Variants in DYRK4 observed in about 807,000 individuals in gnomAD.
DYRK4 encodes the protein dual specificity tyrosine phosphorylation regulated kinase 4, also known as dual specificity tyrosine-phosphorylation-regulated kinase 4.
In DYRK4, 64 loss-of-function variants were observed where a neutral mutation model predicts 68.3. That is an observed-to-expected ratio of 0.94 (90% CI 0.77 to 1.15). DYRK4 has a LOEUF of 1.15. Among genes scored for constraint, DYRK4 ranks in the 50% most tolerant of loss-of-function variants. DYRK4 has a pLI of 0.00. For synonymous variants in DYRK4, 274 were observed against 289.9 expected (o/e 0.95, Z 0.56); for missense variants, 740 against 764.7 (o/e 0.97, Z 0.38).
chr12:4,572,318 G>T (rs1203787491), intron 2 of DYRK4, among the ~76,000 whole-genome samples: 1 of 152,146 alleles, frequency 6.6e-6, no homozygotes, highest in African/African-American at 2.4e-5. Context: ...GTCTGGCTCT[G>T]TCGCCCAGGC....
intron 2 of DYRK4, among the ~76,000 whole-genome samples, chr12:4,575,299 CTG>C (rs35874260): frequency 1.1e-3 from 171 of 148,878 alleles, no homozygotes; most frequent in African/African-American, 3.7e-3. Context: ...CAATAACTTA[CTG>C]TGTGTGTGTG....
chr12:4,602,305 T>C, intron 10 of DYRK4: 1 of 954,362 alleles, frequency 1.0e-6, no homozygotes, highest in Non-Finnish European at 1.7e-6. Flanking sequence ...CTCCCTCTTT[T>C]TTTCTTCCTC....
intron 12 of DYRK4, 137 bp downstream of exon 12, chr12:4,607,524 A>G (rs1945167556): frequency 1.1e-5 from 10 of 935,754 alleles, no homozygotes; most frequent in Non-Finnish European, 1.3e-5. Context: ...AGTAAAAGAT[A>G]ATGAGCAGGG....
intron 6 of DYRK4, among the ~76,000 whole-genome samples, chr12:4,595,722 G>C (rs1945010017): frequency 6.6e-6 from 1 of 152,164 alleles, no homozygotes; most frequent in Non-Finnish European, 1.5e-5. Context: ...CCCCAAACCA[G>C]AGATGCTGCT....
intron 8 of DYRK4, among the ~76,000 whole-genome samples, chr12:4,597,930 G>A (rs1945036792): frequency 6.6e-6 from 1 of 152,114 alleles, no homozygotes; most frequent in Admixed American, 6.5e-5. Context: ...GCCGGGCGTG[G>A]TGGTGCGTGC....
rs1395619023 is a variant in DYRK4 at position 4,599,734 on chromosome 12, C to A, written c.1072C>A (p.Gln358Lys). The A allele has an allele frequency of 1.9e-6, 3 of 1,614,054 alleles. No individual in the cohort carries two copies. The highest frequency in any genetic ancestry group is 3.3e-5 in the Admixed American group (2 of 60,012). The change falls in exon 10 of 15, where the codon CAA becomes AAA. Residue 358 changes from glutamine to lysine, a missense_variant. Transcript: ENST00000543431. ...AAATATAGTGCTATACCAAAAGGGC[C>A]AAGCCTCTGTTAAAGTCATTGACTT... ...PENIVLYQKG[Q>K]ASVKVIDFGS... is the part of the protein sequence containing the mutation.
At chr12:4,602,058 T>A in intron 10 of DYRK4, 1 of 399,952 alleles carries the variant, frequency 2.5e-6, no homozygotes, top group Non-Finnish European at 4.5e-6. Flanking sequence ...GTTATCTGCA[T>A]GTTGCATCTT....
chr12:4,570,826 T>C (rs1944723357), intron 2 of DYRK4, among the ~76,000 whole-genome samples: 1 of 152,156 alleles, frequency 6.6e-6, no homozygotes, highest in Non-Finnish European at 1.5e-5. Context: ...TTTAAGACAA[T>C]AGTGTGGCGC....
chr12:4,593,227 G>A lies in DYRK4; in HGVS notation c.627+62G>A. ...CCAGGGACAAGAGGTAGTCTAGAAA[G>A]GAAAAAAGCAACGGTATTTTGTAGT... is the stretch of plus-strand genomic sequence containing the variant. On this transcript the variant is annotated intron_variant, in intron 6 of 14. Coordinates refer to ENST00000543431, the MANE Select transcript of DYRK4 (RefSeq NM_001394779.1). 10 of 1,561,928 alleles carry A rather than the reference G, an allele frequency of 6.4e-6. No homozygotes were observed. In the Admixed American group the frequency reaches 1.2e-4, roughly 19 times the overall value.
intron 2 of DYRK4, among the ~76,000 whole-genome samples, chr12:4,569,105 T>G (rs557920393): frequency 6.6e-6 from 1 of 152,336 alleles, no homozygotes; most frequent in Admixed American, 6.5e-5. Flanking sequence ...CTGATTTAAC[T>G]CTAGTGTTGT....
intron 7 of DYRK4, 145 bp downstream of exon 7, chr12:4,596,430 A>AG: frequency 6.6e-7 from 1 of 1,508,256 alleles, no homozygotes; most frequent in South Asian, 1.3e-5. Context: ...TGATTCCATG[A>AG]GGGGGCAAAG....
rs1274580237 is a variant in DYRK4 at position 4,591,665 on chromosome 12, GAA to G, written c.463+368_463+369del. On this transcript the variant is annotated intron_variant, in intron 5 of 14. Transcript: ENST00000543431. This position sits in a 1 kb window ranked among gnomAD's most constrained non-coding sequence, Gnocchi z 4.1. Reference sequence around the variant, plus strand: ...GAAGAGCCAGGAGTGGAAAGGTACTGAATACTGAGAGCAGAGCAAAGGGTGCT... The same window carrying G: ...GAAGAGCCAGGAGTGGAAAGGTACTGTACTGAGAGCAGAGCAAAGGGTGCT... 2 of 211,130 alleles carry G rather than the reference GAA, an allele frequency of 9.5e-6. No individual in the cohort carries two copies. Among genetic ancestry groups the G allele is most frequent in the African/African-American group, 4.5e-5 (2 of 43,970 alleles). The allele number at this position is 211,130 out of a possible 1,614,324, so 13.1% of individuals were successfully genotyped here. A position where few individuals can be genotyped will look rare whatever the true frequency, so the allele number is the denominator to read the frequency against.
At chr12:4,590,944 A>G in intron 4 of DYRK4, 1 of 534,514 alleles carries the variant, frequency 1.9e-6, no homozygotes, top group East Asian at 2.9e-5. Context: ...GCATACGGTA[A>G]GGTACAGGGG....
At chr12:4,571,575 G>A (rs1944730507) in intron 2 of DYRK4, among the ~76,000 whole-genome samples, 1 of 151,828 alleles carries the variant, frequency 6.6e-6, no homozygotes, top group African/African-American at 2.4e-5. Flanking sequence ...TTATAGTTGG[G>A]TTTATATTTT....
intron 4 of DYRK4, 97 bp downstream of exon 4, chr12:4,590,537 A>T: frequency 6.8e-7 from 1 of 1,478,552 alleles, no homozygotes; most frequent in Non-Finnish European, 8.9e-7. Flanking sequence ...GGGGAAAAGC[A>T]CAGTAGCTGC....
intron 2 of DYRK4, among the ~76,000 whole-genome samples, chr12:4,569,035 A>G (rs1240174765): frequency 1.3e-5 from 2 of 152,136 alleles, no homozygotes; most frequent in African/African-American, 4.8e-5. Flanking sequence ...TCGTCCTCCT[A>G]TAAATCACAT....
intron 2 of DYRK4, among the ~76,000 whole-genome samples, chr12:4,588,092 A>G (rs1944915510): frequency 6.6e-6 from 1 of 152,186 alleles, no homozygotes; most frequent in South Asian, 2.1e-4. Flanking sequence ...CAAGGTCTCT[A>G]TCTGTTGCTC....
chr12:4,569,319 G>A (rs991467825), intron 2 of DYRK4, among the ~76,000 whole-genome samples: 43 of 152,162 alleles, frequency 2.8e-4, no homozygotes, highest in African/African-American at 1.0e-3. Context: ...AGCAAAACAT[G>A]CTAATATAAT....
Position 4,591,458 on chromosome 12 carries a change from C to T in DYRK4, c.463+160C>T. On this transcript the variant is annotated intron_variant, in intron 5 of 14. Transcript: ENST00000543431. The surrounding 1 kb of genome is among the most constrained non-coding windows in gnomAD (Gnocchi z 4.1). The stretch of plus-strand genomic sequence containing the variant: ...TAGAAGTTAAGCGTTGAACCTCTGA[C>T]TGTGGTAGTATAAGCAAGAGGCTGA... The T allele has an allele frequency of 9.6e-7, 1 of 1,041,128 alleles. No individual in the cohort carries two copies. Among genetic ancestry groups the T allele is most frequent in the Non-Finnish European group, 1.4e-6 (1 of 738,174 alleles). 64.5% of individuals were successfully genotyped at this position (1,041,128 alleles called of 1,614,324 possible). A position where few individuals can be genotyped will look rare whatever the true frequency, so the allele number is the denominator to read the frequency against.
Sources: gnomAD v4.1 joint callset for allele counts (sites outside exome capture counted in the v4.1 genomes callset) on GRCh38, gnomAD v4.1.1 for gene constraint, Gnocchi (gnomAD v3.1) non-coding constraint, MANE v1.5 for transcripts, NCBI Gene and HGNC (gene_info 2026-07-23, HGNC 2026-07-21) for gene names.